The following EXOC4 variants were observed in gnomAD, a reference collection of about 807,000 sequenced individuals.
The protein encoded by EXOC4 is exocyst complex component 4.
Under a neutral mutation model 107.2 loss-of-function variants are expected in EXOC4, and 71 were observed. That is an observed-to-expected ratio of 0.66 (90% CI 0.55 to 0.81). The LOEUF (loss-of-function observed/expected upper bound fraction) is 0.81. Ranked by LOEUF, EXOC4 falls within the 30% of genes least tolerant of loss-of-function variation. The probability of loss-of-function intolerance (pLI) is 0.00; values close to 1 mark genes in which losing one functional copy is unlikely to be tolerated. For synonymous variants in EXOC4, 456 were observed against 441.2 expected, an observed-to-expected ratio of 1.03 and a Z score of -0.42; for missense variants, 1,108 against 1,189.6, an observed-to-expected ratio of 0.93 and a Z score of 1.01.
intron 10 of EXOC4, among the ~76,000 whole-genome samples, chr7:133,662,113 G>A (rs375358991): frequency 4.6e-5 from 7 of 152,116 alleles, no homozygotes; most frequent in African/African-American, 1.2e-4. Context: ...AATTTTTCTC[G>A]GTTCACACAA....
intron 14 of EXOC4, among the ~76,000 whole-genome samples, chr7:133,971,926 A>G (rs1290656033): frequency 6.6e-6 from 1 of 152,202 alleles, no homozygotes; most frequent in African/African-American, 2.4e-5. Context: ...TACATGGGGC[A>G]TCCCTCCTCA....
At chr7:133,825,699 A>G (rs927950003) in intron 11 of EXOC4, among the ~76,000 whole-genome samples, 1 of 152,174 alleles carries the variant, frequency 6.6e-6, no homozygotes, top group African/African-American at 2.4e-5. Context: ...TTTGAGTGGC[A>G]TTTGCATCAC....
At chr7:133,707,114 T>G (rs1794785330) in intron 10 of EXOC4, among the ~76,000 whole-genome samples, 1 of 152,144 alleles carries the variant, frequency 6.6e-6, no homozygotes, top group African/African-American at 2.4e-5. Flanking sequence ...AATATAAAAT[T>G]GAAGCTAAGA....
At chr7:134,024,476 TTTTAA>T (rs968927442) in intron 17 of EXOC4, among the ~76,000 whole-genome samples, 10 of 152,058 alleles carry the variant, frequency 6.6e-5, no homozygotes, top group African/African-American at 2.4e-4. Context: ...GCTAGTATGT[TTTTAA>T]TTAATTTAAA....
intron 17 of EXOC4, among the ~76,000 whole-genome samples, chr7:134,021,750 G>A (rs905459822): frequency 1.5e-4 from 22 of 148,854 alleles, no homozygotes; most frequent in African/African-American, 5.5e-4. Context: ...AAAAAAAGTG[G>A]AGTAGGAGAG....
chr7:133,615,194 C>T (rs536553035), intron 9 of EXOC4, among the ~76,000 whole-genome samples: 56 of 152,116 alleles, frequency 3.7e-4, no homozygotes, highest in African/African-American at 1.3e-3. Context: ...TCCCCTTCTA[C>T]TTTCCCCACC....
intron 10 of EXOC4, among the ~76,000 whole-genome samples, chr7:133,671,931 A>C (rs113575564): frequency 1.3e-5 from 2 of 152,328 alleles, no homozygotes; most frequent in African/African-American, 4.8e-5. Context: ...TTAGATAGTC[A>C]AGTGTATGTG....
chr7:133,445,722 A>G (rs1798205011), intron 7 of EXOC4, among the ~76,000 whole-genome samples: 1 of 152,160 alleles, frequency 6.6e-6, no homozygotes, highest in Admixed American at 6.5e-5. Context: ...TTGCCTTACC[A>G]GGAGCTGCGT....
chr7:133,405,836 G>T (rs557133171), intron 7 of EXOC4, among the ~76,000 whole-genome samples: 9 of 152,216 alleles, frequency 5.9e-5, no homozygotes, highest in Non-Finnish European at 1.2e-4. Context: ...TCAAAATATT[G>T]TACTATATTG....
intron 1 of EXOC4, among the ~76,000 whole-genome samples, chr7:133,257,776 C>T (rs1207350278): frequency 6.6e-6 from 1 of 152,194 alleles, no homozygotes; most frequent in Non-Finnish European, 1.5e-5. Context: ...TTTATGTCTT[C>T]ACAGAAGTTG....
chr7:133,526,694 G>A (rs959526349), intron 9 of EXOC4, among the ~76,000 whole-genome samples: 1 of 152,130 alleles, frequency 6.6e-6, no homozygotes. Context: ...AGATATAGCC[G>A]GGCGTAGTGG....
chr7:133,262,882 T>C (rs1462703244), intron 1 of EXOC4, among the ~76,000 whole-genome samples: 1 of 152,192 alleles, frequency 6.6e-6, no homozygotes, highest in Non-Finnish European at 1.5e-5. Context: ...TCATCTTGAA[T>C]TGTAGCTCCC....
intron 4 of EXOC4, among the ~76,000 whole-genome samples, chr7:133,312,856 A>G (rs1219964928): frequency 6.6e-6 from 1 of 152,110 alleles, no homozygotes; most frequent in Non-Finnish European, 1.5e-5. Flanking sequence ...AGTATTTTCA[A>G]GAAAGAATTT....
rs78310065 is a variant in EXOC4 at position 133,806,609 on chromosome 7, A to G, written c.1515-10716A>G. On this transcript the variant is annotated intron_variant, in intron 10 of 17. Coordinates refer to ENST00000253861, the MANE Select transcript of EXOC4 (RefSeq NM_021807.4). ...GGGTTTTCAGCATGGACTTAAGTCTATTGATTGTCATCCCCTTGCCTGCCC... is the reference window on the plus strand; with the variant it reads ...GGGTTTTCAGCATGGACTTAAGTCTGTTGATTGTCATCCCCTTGCCTGCCC... 1.7e-4 allele frequency among the ~76,000 whole-genome samples: 26 copies of G among 152,274 alleles called. No homozygotes were observed. The East Asian group carries it at 4.1e-3, about 24-fold the overall frequency.
At chr7:133,716,264 G>A (rs1794996154) in intron 10 of EXOC4, among the ~76,000 whole-genome samples, 1 of 152,214 alleles carries the variant, frequency 6.6e-6, no homozygotes, top group African/African-American at 2.4e-5. Flanking sequence ...AAGTTGACAT[G>A]GGACTCTGTC....
chr7:133,315,344 T>G (rs1251835780), intron 4 of EXOC4: 1 of 152,316 alleles, frequency 6.6e-6, no homozygotes, highest in East Asian at 1.9e-4. Flanking sequence ...AAGAACCAGG[T>G]GTTTGCCTCT....
At chr7:133,366,597 G>A (rs1796254189) in intron 6 of EXOC4, among the ~76,000 whole-genome samples, 1 of 152,102 alleles carries the variant, frequency 6.6e-6, no homozygotes, top group Non-Finnish European at 1.5e-5. Flanking sequence ...GGTTTTGTGT[G>A]AAATATTTTT....
At chr7:133,906,016 C>G (rs1799557141) in intron 12 of EXOC4, among the ~76,000 whole-genome samples, 1 of 152,070 alleles carries the variant, frequency 6.6e-6, no homozygotes, top group South Asian at 2.1e-4. Context: ...ATCACAGTGA[C>G]TAGAGTGGAC....
intron 10 of EXOC4, among the ~76,000 whole-genome samples, chr7:133,680,016 T>G (rs1794153612): frequency 6.6e-6 from 1 of 152,228 alleles, no homozygotes. Flanking sequence ...GTAATTTATA[T>G]GTTTTCTCCC....
Sources: gnomAD v4.1 joint callset for allele counts (sites outside exome capture counted in the v4.1 genomes callset) on GRCh38, gnomAD v4.1.1 for gene constraint, MANE v1.5 for transcripts, NCBI Gene and HGNC (gene_info 2026-07-23, HGNC 2026-07-21) for gene names.